The following EYS variants were observed in gnomAD, a reference collection of about 807,000 sequenced individuals.
EYS encodes the protein protein eyes shut homolog.
In EYS, 250 loss-of-function variants were observed where a neutral mutation model predicts 282.1. The ratio of observed to expected loss-of-function variants is 0.89; its 90% CI spans 0.80 to 0.98. The LOEUF is 0.98. Ranked by LOEUF, EYS falls within the 50% of genes least tolerant of loss-of-function variation. The pLI is 0.00. For synonymous variants in EYS, 1,355 were observed against 1,282.9 expected, an observed-to-expected ratio of 1.06 and a Z score of -1.20; for missense variants, 4,016 against 3,709.0, an observed-to-expected ratio of 1.08 and a Z score of -2.15.
intron 22 of EYS, among the ~76,000 whole-genome samples, chr6:64,644,680 T>C (rs185586173): frequency 2.3e-4 from 35 of 152,268 alleles, no homozygotes; most frequent in African/African-American, 7.9e-4. Context: ...TATATATGCA[T>C]GGAAAAATAT....
chr6:65,473,067 A>C (rs1369798281), intron 5 of EYS, among the ~76,000 whole-genome samples: 1 of 151,986 alleles, frequency 6.6e-6, no homozygotes, highest in Non-Finnish European at 1.5e-5. Flanking sequence ...GCAAATAATG[A>C]ATCCAATGGT....
intron 26 of EYS, among the ~76,000 whole-genome samples, chr6:64,526,997 A>G (rs1013730644): frequency 6.6e-6 from 1 of 151,826 alleles, no homozygotes; most frequent in Non-Finnish European, 1.5e-5. Flanking sequence ...CAGATTCCAT[A>G]CTGTGGATCA....
intron 28 of EYS, among the ~76,000 whole-genome samples, chr6:64,397,055 A>G (rs1306576406): frequency 6.6e-6 from 1 of 152,082 alleles, no homozygotes; most frequent in Non-Finnish European, 1.5e-5. Flanking sequence ...GATATTTTGT[A>G]TAGTAAATTA....
chr6:63,997,898 T>C (rs1767906625), intron 34 of EYS, among the ~76,000 whole-genome samples: 1 of 152,206 alleles, frequency 6.6e-6, no homozygotes. Flanking sequence ...TTAATAAAGA[T>C]GTAGTCATAC....
At chr6:64,136,322 CAA>C (rs1235258842) in intron 31 of EYS, among the ~76,000 whole-genome samples, 3 of 152,090 alleles carry the variant, frequency 2.0e-5, no homozygotes, top group Non-Finnish European at 4.4e-5. Flanking sequence ...TTAAATTCCT[CAA>C]ACTCATCCAT....
At chr6:63,986,579 T>C (rs1767377305) in intron 34 of EYS, among the ~76,000 whole-genome samples, 1 of 151,648 alleles carries the variant, frequency 6.6e-6, no homozygotes, top group Non-Finnish European at 1.5e-5. Flanking sequence ...ACACCATGGA[T>C]GGAATAATAT....
chr6:64,976,391 A>G (rs979676586), intron 14 of EYS, among the ~76,000 whole-genome samples: 2 of 151,892 alleles, frequency 1.3e-5, no homozygotes, highest in African/African-American at 2.4e-5. Context: ...AACATGAACT[A>G]AGTGGTTTAT....
At chr6:65,254,578 G>T (rs9784857) in intron 12 of EYS, among the ~76,000 whole-genome samples, 5,285 of 151,872 alleles carry the variant, frequency 0.035, 127 homozygotes, top group African/African-American at 0.064. Flanking sequence ...AGTTATTGTG[G>T]AAAGATTAAT....
chr6:64,619,139 C>G (rs1175806140), intron 23 of EYS, among the ~76,000 whole-genome samples: 1 of 152,134 alleles, frequency 6.6e-6, no homozygotes, highest in African/African-American at 2.4e-5. Context: ...TGCTAATATT[C>G]TATTTCTCAG....
At chr6:65,450,395 C>T (rs1050629979) in intron 5 of EYS, among the ~76,000 whole-genome samples, 4 of 151,964 alleles carry the variant, frequency 2.6e-5, no homozygotes, top group African/African-American at 9.7e-5. Context: ...ATTGTATTTA[C>T]GAGATGTTAC....
At chr6:65,266,995 G>C (rs1377711353) in intron 12 of EYS, among the ~76,000 whole-genome samples, 4 of 141,678 alleles carry the variant, frequency 2.8e-5, no homozygotes, top group Admixed American at 2.8e-4. Context: ...TATATAGAGA[G>C]AGAGAGAGAG....
chr6:64,435,228 G>A (rs921830586), intron 28 of EYS, among the ~76,000 whole-genome samples: 1 of 152,010 alleles, frequency 6.6e-6, no homozygotes, highest in Non-Finnish European at 1.5e-5. Flanking sequence ...AAATGTTCAT[G>A]TTCATTTTGA....
chr6:65,235,523 G>A (rs1323661725), intron 12 of EYS, among the ~76,000 whole-genome samples: 1 of 152,080 alleles, frequency 6.6e-6, no homozygotes, highest in Non-Finnish European at 1.5e-5. Context: ...AGTTCATAAT[G>A]CCAAGAGGTA....
At chr6:65,405,531 C>T (rs1766700980) in intron 5 of EYS, among the ~76,000 whole-genome samples, 164 bp from the exon 6 acceptor site, 1 of 151,980 alleles carries the variant, frequency 6.6e-6, no homozygotes, top group African/African-American at 2.4e-5. Context: ...AAAATTCATT[C>T]ATTGCAATTC....
chr6:64,722,176 G>T (rs757863332), intron 22 of EYS, among the ~76,000 whole-genome samples: 3 of 152,094 alleles, frequency 2.0e-5, no homozygotes, highest in Non-Finnish European at 4.4e-5. Context: ...TTTAATGATG[G>T]AAATGGTCTA....
In EYS at chr6:64,639,700, A is replaced by C. The variant is rs377665554; in HGVS notation, c.3444-13455T>G. 1.1e-4 allele frequency among the ~76,000 whole-genome samples: 10 copies of C among 90,964 alleles called. 4 individuals are homozygous for C. Among genetic ancestry groups the C allele is most frequent in the Admixed American group, 2.4e-4 (2 of 8,472 alleles). 59.7% of individuals were successfully genotyped at this position (90,964 alleles called of 152,430 possible). A position where few individuals can be genotyped will look rare whatever the true frequency, so the allele number is the denominator to read the frequency against. ...ACACCAAAAGCAATGGCAACAAAAG[A>C]CAAAATTGACAAATGGGATCTCATT... On this transcript the variant is annotated intron_variant, in intron 22 of 42. Transcript: ENST00000503581.
intron 31 of EYS, among the ~76,000 whole-genome samples, chr6:64,159,264 A>G (rs1040150672): frequency 3.9e-5 from 6 of 152,150 alleles, no homozygotes; most frequent in Non-Finnish European, 7.4e-5. Context: ...AAATGACAAG[A>G]ACAAAGTCTA....
chr6:63,988,048 G>A (rs933390486), intron 34 of EYS, among the ~76,000 whole-genome samples: 5 of 151,586 alleles, frequency 3.3e-5, no homozygotes, highest in African/African-American at 1.2e-4. Context: ...GGTCCCAGAG[G>A]GTGATTATCT....
chr6:65,690,779 G>T (rs1769214127), intron 1 of EYS, among the ~76,000 whole-genome samples: 2 of 149,802 alleles, frequency 1.3e-5, no homozygotes, highest in Admixed American at 1.3e-4. Flanking sequence ...TCCCCTCCCT[G>T]TGTCCATGTG....
Sources: gnomAD v4.1 joint callset for allele counts (sites outside exome capture counted in the v4.1 genomes callset) on GRCh38, gnomAD v4.1.1 for gene constraint, MANE v1.5 for transcripts, NCBI Gene and HGNC (gene_info 2026-07-23, HGNC 2026-07-21) for gene names.